The following CAMKMT variants were observed in gnomAD, a reference collection of about 807,000 sequenced individuals.
CAMKMT encodes the protein CaM KMT.
A neutral mutation model predicts 48.0 loss-of-function variants in CAMKMT; 53 were observed. The ratio of observed to expected loss-of-function variants is 1.10; its 90% CI spans 0.89 to 1.39. The LOEUF (loss-of-function observed/expected upper bound fraction) is 1.39. CAMKMT is among the 40% of genes most tolerant of loss of function. The pLI, the probability that CAMKMT is intolerant of heterozygous loss-of-function variation, is 0.00. For missense variants in CAMKMT, 428 were observed against 402.7 expected (o/e 1.06, Z -0.54); for synonymous variants, 165 against 152.3 (o/e 1.08, Z -0.61).
intron 3 of CAMKMT, among the ~76,000 whole-genome samples, chr2:44,488,996 G>T (rs1453111841): frequency 6.6e-6 from 1 of 151,790 alleles, no homozygotes; most frequent in Non-Finnish European, 1.5e-5. Flanking sequence ...GTCCTGAGGA[G>T]CTGGGACTGC....
intron 3 of CAMKMT, among the ~76,000 whole-genome samples, chr2:44,537,484 C>T (rs1464727893): frequency 3.3e-5 from 5 of 152,072 alleles, no homozygotes; most frequent in South Asian, 2.1e-4. Context: ...TTGTATCTTA[C>T]GTCAGTTAGA....
intron 3 of CAMKMT, among the ~76,000 whole-genome samples, chr2:44,662,719 A>T (rs1674746576): frequency 6.6e-6 from 1 of 152,076 alleles, no homozygotes; most frequent in South Asian, 2.1e-4. Context: ...ATGCATCACC[A>T]TGCCAGGTTA....
intron 3 of CAMKMT, among the ~76,000 whole-genome samples, chr2:44,542,851 G>A (rs140389252): frequency 2.0e-5 from 3 of 152,068 alleles, no homozygotes; most frequent in Non-Finnish European, 4.4e-5. Context: ...GCTGTGTGTG[G>A]GAGATAAAAC....
intron 9 of CAMKMT, among the ~76,000 whole-genome samples, chr2:44,762,770 G>A (rs1419195424): frequency 1.3e-5 from 2 of 152,154 alleles, no homozygotes; most frequent in Non-Finnish European, 2.9e-5. Flanking sequence ...AGCTCACAAG[G>A]TAAGCAGTAT....
intron 3 of CAMKMT, among the ~76,000 whole-genome samples, chr2:44,504,998 T>C (rs906131863): frequency 2.0e-5 from 3 of 152,108 alleles, no homozygotes; most frequent in African/African-American, 7.2e-5. Flanking sequence ...GGTCATGTGG[T>C]GAGGGGTGGG....
intron 3 of CAMKMT, among the ~76,000 whole-genome samples, chr2:44,673,140 CAT>C (rs751435310): frequency 5.9e-5 from 9 of 151,918 alleles, no homozygotes; most frequent in Non-Finnish European, 1.2e-4. Context: ...GTTTTAAAAA[CAT>C]AGGCTGGGCG....
intron 3 of CAMKMT, chr2:44,400,930 G>GTGTA (rs1491109565): frequency 1.2e-3 from 74 of 64,246 alleles, no homozygotes; most frequent in Non-Finnish European, 1.3e-3. Flanking sequence ...TTATGTGTGT[G>GTGTA]TATATATATA....
intron 3 of CAMKMT, among the ~76,000 whole-genome samples, chr2:44,531,810 A>C (rs1013435920): frequency 1.3e-5 from 2 of 152,158 alleles, no homozygotes; most frequent in African/African-American, 4.8e-5. Flanking sequence ...TTTTAAGAAA[A>C]CTAAGGCAAA....
chr2:44,519,184 T>C (rs1670977536), intron 3 of CAMKMT, among the ~76,000 whole-genome samples: 1 of 152,228 alleles, frequency 6.6e-6, no homozygotes, highest in East Asian at 1.9e-4. Flanking sequence ...TGCTATTGTG[T>C]ATCTCAGACT....
At chr2:44,568,408 G>A (rs191851930) in intron 3 of CAMKMT, among the ~76,000 whole-genome samples, 41 of 152,268 alleles carry the variant, frequency 2.7e-4, no homozygotes, top group Non-Finnish European at 4.6e-4. Context: ...ATCACAGTTG[G>A]TAGCTGTTGC....
chr2:44,372,629 C>CA, intron 1 of CAMKMT, 87 bp from the exon 2 acceptor site: 1 of 1,185,422 alleles, frequency 8.4e-7, no homozygotes, highest in Non-Finnish European at 1.2e-6. Flanking sequence ...GGAAAGTCCC[C>CA]TTACCACTTA....
intron 3 of CAMKMT, among the ~76,000 whole-genome samples, chr2:44,621,281 A>AATAAAATAAAAAAAAAT (rs763807418): frequency 0.026 from 3,946 of 151,050 alleles, 173 homozygotes; most frequent in African/African-American, 0.08. Flanking sequence ...AAAAAAAAAA[A>AATAAAATAAAAAAAAAT]AAAAGCATAA....
chr2:44,753,968 T>C, intron 8 of CAMKMT, 87 bp from the exon 9 acceptor site: 2 of 873,994 alleles, frequency 2.3e-6, no homozygotes, highest in Non-Finnish European at 3.7e-6. Context: ...GGTAAACATG[T>C]GTAATTAGCC....
intron 3 of CAMKMT, among the ~76,000 whole-genome samples, chr2:44,690,139 GTTTAAA>G (rs1383977690): frequency 3.3e-5 from 5 of 152,208 alleles, no homozygotes; most frequent in Non-Finnish European, 5.9e-5. Flanking sequence ...CTTGGTAGAG[GTTTAAA>G]TTTGAGATTA....
chr2:44,461,813 C>T (rs1003656117), intron 3 of CAMKMT, among the ~76,000 whole-genome samples: 2 of 152,054 alleles, frequency 1.3e-5, no homozygotes, highest in Admixed American at 6.6e-5. Context: ...AATGATAATA[C>T]GATCAATTCC....
Position 44,640,956 on chromosome 2 carries a change from T to C in CAMKMT, c.377-63327T>C, listed in dbSNP as rs1866143. Among the ~76,000 whole-genome samples, 205 of 152,322 alleles carry C rather than the reference T, an allele frequency of 1.3e-3. 2 individuals are homozygous for C. The highest frequency in any genetic ancestry group is 4.6e-3 in the African/African-American group (193 of 41,568). On this transcript the variant is annotated intron_variant, in intron 3 of 10. Coordinates refer to ENST00000378494, the MANE Select transcript of CAMKMT (RefSeq NM_024766.5). ...TTCCTGGGCTATATAGAAACTGACA[T>C]AGAGTGACCAAGGCCACTTGGTTCC... is the stretch of plus-strand genomic sequence containing the variant.
At chr2:44,399,593 G>T (rs1199390712) in intron 3 of CAMKMT, among the ~76,000 whole-genome samples, 3 of 150,702 alleles carry the variant, frequency 2.0e-5, no homozygotes, top group African/African-American at 7.3e-5. Context: ...CATTGCTACT[G>T]GTTCTACACC....
intron 8 of CAMKMT, among the ~76,000 whole-genome samples, chr2:44,746,878 C>T (rs1378272401): frequency 6.6e-6 from 1 of 152,182 alleles, no homozygotes; most frequent in Non-Finnish European, 1.5e-5. Context: ...TTTCCAGACT[C>T]CTGTTCAATC....
intron 3 of CAMKMT, chr2:44,456,678 G>A: frequency 6.9e-7 from 1 of 1,457,252 alleles, no homozygotes; most frequent in Non-Finnish European, 9.3e-7. Context: ...AAGATGTTTT[G>A]GCCAAGGCAT....
Sources: allele counts gnomAD v4.1 joint callset (sites outside exome capture counted in the v4.1 genomes callset), GRCh38; gene constraint gnomAD v4.1.1; transcripts MANE v1.5; gene names NCBI Gene and HGNC (gene_info 2026-07-23, HGNC 2026-07-21).